EDA: variants seen among roughly 807,000 people sequenced by gnomAD.
EDA encodes the protein ectodysplasin A.
In EDA, 2 loss-of-function variants were observed where a neutral mutation model predicts 23.6. That is an observed-to-expected ratio of 0.08 (90% CI 0.03 to 0.27). The LOEUF (loss-of-function observed/expected upper bound fraction) is 0.27. Ranked by LOEUF, EDA falls within the 10% of genes least tolerant of loss-of-function variation. The pLI is 1.00. For synonymous variants in EDA, 131 were observed against 132.0 expected (o/e 0.99, Z 0.05); for missense variants, 229 against 324.2 (o/e 0.71, Z 2.26).
intron 2 of EDA, among the ~76,000 whole-genome samples, chrX:69,968,521 G>A (rs1469920788): frequency 9.0e-6 from 1 of 111,573 alleles, no homozygotes; most frequent in Non-Finnish European, 1.9e-5. Flanking sequence ...ATAGCCTAAG[G>A]GGGCCTTCAA....
intron 1 of EDA, among the ~76,000 whole-genome samples, chrX:69,894,302 AC>A (rs1258765991): frequency 1.8e-5 from 2 of 111,700 alleles, no homozygotes; most frequent in Non-Finnish European, 1.9e-5. Flanking sequence ...ATTTTTGGTT[AC>A]TGGAGACTTG....
At chrX:69,848,009 G>A (rs894682068) in intron 1 of EDA, among the ~76,000 whole-genome samples, 1 of 111,650 alleles carries the variant, frequency 9.0e-6, no homozygotes, top group East Asian at 2.8e-4. Context: ...ACTTGGTATT[G>A]TTACTACTTT....
chrX:69,741,630 T>C (rs750242215), intron 1 of EDA, among the ~76,000 whole-genome samples: 1 of 112,122 alleles, frequency 8.9e-6, no homozygotes, highest in Non-Finnish European at 1.9e-5. Context: ...TGTCAATGTA[T>C]GGGGCATAAA....
At position 69,824,489 on chromosome X, in the gene EDA, G is replaced by T. The variant is rs2016347073; in HGVS notation, c.397-132538G>T. Among the ~76,000 whole-genome samples, 3 of 110,308 alleles carry T rather than the reference G, an allele frequency of 2.7e-5. No homozygotes were observed. In the South Asian group the frequency reaches 1.2e-3, roughly 43 times the overall value. ...TGAATGGGAGTTCTCTCATGATTTG[G>T]CTCTCTGTTTGTCTGCTGTTGGTGT... On this transcript the variant is annotated intron_variant, in intron 1 of 7. Coordinates refer to ENST00000374552, the MANE Select transcript of EDA (RefSeq NM_001399.5).
intron 1 of EDA, among the ~76,000 whole-genome samples, chrX:69,778,606 G>C (rs140675503): frequency 1.8e-5 from 2 of 111,069 alleles, no homozygotes; most frequent in African/African-American, 3.3e-5. Flanking sequence ...ACAATTGAAG[G>C]GTTCATTGGA....
intron 1 of EDA, among the ~76,000 whole-genome samples, chrX:69,747,623 C>G (rs780899648): frequency 9.0e-6 from 1 of 111,609 alleles, no homozygotes; most frequent in African/African-American, 3.3e-5. Context: ...CTGCCTTTTT[C>G]CAAGGAAGAG....
At chrX:69,879,072 C>A (rs904873273) in intron 1 of EDA, among the ~76,000 whole-genome samples, 2 of 110,365 alleles carry the variant, frequency 1.8e-5, no homozygotes, top group Admixed American at 1.9e-4. Flanking sequence ...TCTTTGATTC[C>A]GCGCCGCCCC....
At chrX:69,787,955 A>C (rs921374730) in intron 1 of EDA, among the ~76,000 whole-genome samples, 2 of 111,324 alleles carry the variant, frequency 1.8e-5, no homozygotes, top group Non-Finnish European at 3.8e-5. Context: ...TGGTCTTTTC[A>C]CATAGTCCCA....
intron 3 of EDA, among the ~76,000 whole-genome samples, chrX:70,023,478 C>CTTTTTTTTTTTTTTTTTTTTTTTTTTTT (rs754981946): frequency 3.0e-5 from 1 of 33,500 alleles, no homozygotes; most frequent in African/African-American, 1.4e-4. Flanking sequence ...TCTTTTTATT[C>CTTTTTTTTTTTTTTTTTTTTTTTTTTTT]TTTTTTTTTT....
chrX:69,681,048 G>C (rs1387751280), intron 1 of EDA, among the ~76,000 whole-genome samples: 5 of 109,835 alleles, frequency 4.6e-5, no homozygotes, highest in Middle Eastern at 4.7e-3. Flanking sequence ...ATTTGCTTGT[G>C]TGTAAAGTAT....
At chrX:69,849,852 G>A (rs916850288) in intron 1 of EDA, among the ~76,000 whole-genome samples, 2 of 112,010 alleles carry the variant, frequency 1.8e-5, no homozygotes, top group Non-Finnish European at 3.8e-5. Context: ...AACTGTTGGT[G>A]GTGGAAGCTG....
chrX:69,968,104 G>A (rs188649684), intron 2 of EDA, among the ~76,000 whole-genome samples: 2 of 111,386 alleles, frequency 1.8e-5, no homozygotes, highest in Non-Finnish European at 3.8e-5. Flanking sequence ...TTTTTTTTAA[G>A]CTCTGGAAGC....
intron 1 of EDA, among the ~76,000 whole-genome samples, chrX:69,890,240 C>A (rs939879059): frequency 2.7e-5 from 3 of 111,050 alleles, no homozygotes; most frequent in Admixed American, 9.6e-5. Context: ...CACAAACTAA[C>A]GGAAAAACAT....
intron 1 of EDA, among the ~76,000 whole-genome samples, chrX:69,713,315 A>G (rs1346240729): frequency 2.7e-5 from 3 of 112,085 alleles, no homozygotes; most frequent in Non-Finnish European, 5.6e-5. Flanking sequence ...TTACAGAACT[A>G]TAGTATAATA....
chrX:69,620,017 A>G, intron 1 of EDA, among the ~76,000 whole-genome samples: 1 of 111,950 alleles, frequency 8.9e-6, no homozygotes, highest in Non-Finnish European at 1.9e-5. Flanking sequence ...TAAATTGATC[A>G]AAAGGATGAA....
At chrX:69,616,975 G>T in intron 1 of EDA, 1 of 429,998 alleles carries the variant, frequency 2.3e-6, no homozygotes. Flanking sequence ...AGAAAAGTTG[G>T]CGACGCTCCC....
intron 1 of EDA, among the ~76,000 whole-genome samples, chrX:69,625,105 A>G (rs1352029371): frequency 1.8e-5 from 2 of 111,208 alleles, no homozygotes; most frequent in Admixed American, 9.6e-5. Context: ...GTACAAAACA[A>G]TGGAGATGCA....
At chrX:69,827,585 C>T (rs1023248123) in intron 1 of EDA, among the ~76,000 whole-genome samples, 11 of 111,601 alleles carry the variant, frequency 9.9e-5, no homozygotes, top group Non-Finnish European at 2.1e-4. Context: ...ATTGATTATT[C>T]TAGTTATACA....
intron 1 of EDA, among the ~76,000 whole-genome samples, chrX:69,617,923 T>TAA (rs370312004): frequency 2.1e-4 from 20 of 96,671 alleles, no homozygotes; most frequent in Non-Finnish European, 1.9e-4. Flanking sequence ...GACTGATACT[T>TAA]AAAAAAAAAA....
Sources: gnomAD v4.1 joint callset for allele counts (sites outside exome capture counted in the v4.1 genomes callset) on GRCh38, gnomAD v4.1.1 for gene constraint, MANE v1.5 for transcripts, NCBI Gene and HGNC (gene_info 2026-07-23, HGNC 2026-07-21) for gene names.